The following HIBCH variants were observed in gnomAD, a reference collection of about 807,000 sequenced individuals.
The protein encoded by HIBCH is 3-hydroxyisobutyryl-CoA hydrolase.
In HIBCH, 50 loss-of-function variants were observed where a neutral mutation model predicts 58.2. The ratio of observed to expected loss-of-function variants is 0.86; its 90% CI spans 0.68 to 1.09. The LOEUF is 1.09. Among genes scored for constraint, HIBCH ranks in the 50% least tolerant of loss-of-function variants. The probability of loss-of-function intolerance (pLI) is 0.00; values close to 1 mark genes in which losing one functional copy is unlikely to be tolerated. For missense variants in HIBCH, 450 were observed against 449.7 expected (o/e 1.00, Z -0.01); for synonymous variants, 151 against 146.9 (o/e 1.03, Z -0.20).
rs1559068451 is a variant in HIBCH, at chr2:190,314,338, C to CGT, written c.36-3543_36-3542insAC. Among the ~76,000 whole-genome samples the CGT allele has an allele frequency of 1.4e-3, 188 of 130,754 alleles. 6 individuals carry two copies. The highest frequency in any genetic ancestry group is 5.1e-3 in the African/African-American group (166 of 32,468). The allele number at this position is 130,754 out of a possible 152,430, so 85.8% of individuals were successfully genotyped here. A position where few individuals can be genotyped will look rare whatever the true frequency, so the allele number is the denominator to read the frequency against. ...ATATATATGTATATATGTATATATA[C>CGT]ATATATATGTGTATATATACGTATA... On this transcript the variant is annotated intron_variant, in intron 1 of 13. Transcript: ENST00000359678.
At chr2:190,314,359 G>GTA (rs368528695) in intron 1 of HIBCH, among the ~76,000 whole-genome samples, 3 of 133,910 alleles carry the variant, frequency 2.2e-5, no homozygotes, top group South Asian at 2.2e-4. Flanking sequence ...GTATATATAC[G>GTA]TATATATATA....
At chr2:190,270,933 G>A (rs1687379442) in intron 6 of HIBCH, among the ~76,000 whole-genome samples, 1 of 151,424 alleles carries the variant, frequency 6.6e-6, no homozygotes, top group South Asian at 2.1e-4. Flanking sequence ...CCTGCTATTG[G>A]GTATGTATAA....
At chr2:190,208,618 T>A (rs1342428137) in intron 13 of HIBCH, 1 of 534,020 alleles carries the variant, frequency 1.9e-6, no homozygotes, top group East Asian at 3.3e-5. Flanking sequence ...CAACTATAGG[T>A]TGAGTATTCT....
At position 190,310,783 on chromosome 2, in the gene HIBCH, T is replaced by C. The variant is rs1688536367; in HGVS notation, c.49A>G (p.Lys17Glu). 6.2e-7 allele frequency: 1 copy of C among 1,609,296 alleles called. No individual in the cohort carries two copies. The highest frequency in any genetic ancestry group is 1.1e-5 in the South Asian group (1 of 90,980). The stretch of plus-strand genomic sequence containing the variant: ...TGGTGCAGTATGGTATTAGTCCTTT[T>C]GAATGCATTAAACCTGAAACAAATG... The part of the protein sequence containing the change: ...WRLMSRFNAF[K>E]RTNTILHHLR... The change falls in exon 2 of 14, where the codon AAA becomes GAA. Residue 17 changes from lysine (K) to glutamate (E), a missense_variant. Lys to Glu is a moderately conservative substitution (Grantham distance 56). Coordinates refer to ENST00000359678, the MANE Select transcript of HIBCH (RefSeq NM_014362.4).
chr2:190,308,764 T>G (rs1688479206), intron 2 of HIBCH, among the ~76,000 whole-genome samples: 1 of 152,200 alleles, frequency 6.6e-6, no homozygotes, highest in Non-Finnish European at 1.5e-5. Context: ...GAAAATGGAC[T>G]AACACAGTTA....
At chr2:190,274,822 T>C (rs1036890891) in intron 6 of HIBCH, among the ~76,000 whole-genome samples, 7 of 152,238 alleles carry the variant, frequency 4.6e-5, no homozygotes, top group African/African-American at 1.7e-4. Flanking sequence ...AGATTTATGT[T>C]GTTATCTCTG....
At chr2:190,310,913 G>T in intron 1 of HIBCH, 117 bp from the exon 2 acceptor site, 1 of 757,426 alleles carries the variant, frequency 1.3e-6, no homozygotes, top group South Asian at 1.5e-5. Context: ...AGAACAAAAA[G>T]TTTTAAAAGG....
intron 6 of HIBCH, among the ~76,000 whole-genome samples, chr2:190,265,846 G>A (rs150330068): frequency 0.016 from 2,383 of 152,156 alleles, 38 homozygotes; most frequent in Middle Eastern, 0.024. Flanking sequence ...GTTTTATAGG[G>A]ATGTGCTATT....
chr2:190,277,142 T>C (rs923237548), intron 6 of HIBCH, among the ~76,000 whole-genome samples: 2 of 152,212 alleles, frequency 1.3e-5, no homozygotes, highest in Non-Finnish European at 2.9e-5. Flanking sequence ...TTTAAATATC[T>C]ATTCATAAAA....
intron 7 of HIBCH, among the ~76,000 whole-genome samples, chr2:190,260,874 G>A (rs1470466834): frequency 6.6e-6 from 1 of 151,966 alleles, no homozygotes; most frequent in African/African-American, 2.4e-5. Context: ...CAGATCTAAA[G>A]GCAAAAATAT....
chr2:190,307,085 T>A (rs1025326657), intron 2 of HIBCH, among the ~76,000 whole-genome samples: 1 of 152,162 alleles, frequency 6.6e-6, no homozygotes, highest in African/African-American at 2.4e-5. Flanking sequence ...TAAAACACTA[T>A]CATCTACTAT....
At chr2:190,258,262 C>G (rs1686984660) in intron 7 of HIBCH, among the ~76,000 whole-genome samples, 1 of 152,190 alleles carries the variant, frequency 6.6e-6, no homozygotes, top group Admixed American at 6.5e-5. Flanking sequence ...CTGGAGACCT[C>G]CCCAATCATG....
intron 11 of HIBCH, among the ~76,000 whole-genome samples, chr2:190,238,523 A>T (rs758902204): frequency 2.6e-5 from 4 of 152,106 alleles, no homozygotes; most frequent in Non-Finnish European, 4.4e-5. Flanking sequence ...GGAGGGCAGT[A>T]GGGTGATCTT....
chr2:190,319,369 C>G (rs4146044), intron 1 of HIBCH, among the ~76,000 whole-genome samples: 34,535 of 152,178 alleles, frequency 0.23, 4,180 homozygotes, highest in East Asian at 0.41. Context: ...CAAAACATGC[C>G]GCACAGTTCC....
chr2:190,306,626 ATAAAAAATTC>A lies in HIBCH; in HGVS notation c.78+4118_78+4127del, dbSNP rs1329604801. Among the ~76,000 whole-genome samples the A allele has an allele frequency of 4.6e-5, 7 of 152,186 alleles. No individual in the cohort carries two copies. Among genetic ancestry groups the A allele is most frequent in the African/African-American group, 1.7e-4 (7 of 41,434 alleles). On this transcript the variant is annotated intron_variant, in intron 2 of 13. Coordinates refer to ENST00000359678, the MANE Select transcript of HIBCH (RefSeq NM_014362.4). The surrounding 1 kb of genome is among the most constrained non-coding windows in gnomAD (Gnocchi z 4.6). ...CTCAGTGTTGCTCGCTGTGCCACTC[ATAAAAAATTC>A]TATTTTTTCTAATCCAAGAGTGTCA...
At chr2:190,212,245 A>G (rs1690530331) in intron 12 of HIBCH, among the ~76,000 whole-genome samples, 1 of 152,200 alleles carries the variant, frequency 6.6e-6, no homozygotes, top group Non-Finnish European at 1.5e-5. Context: ...AGTTATTTCT[A>G]ACTAGATGAA....
chr2:190,266,358 GTTCGAATAT>G (rs1218434464), intron 6 of HIBCH, among the ~76,000 whole-genome samples: 8 of 152,190 alleles, frequency 5.3e-5, no homozygotes, highest in Non-Finnish European at 1.2e-4. Flanking sequence ...AAAGAAATAT[GTTCGAATAT>G]TTCTTATGAT....
At chr2:190,288,810 T>G (rs1305474110) in intron 5 of HIBCH, among the ~76,000 whole-genome samples, 2 of 152,208 alleles carry the variant, frequency 1.3e-5, no homozygotes, top group Non-Finnish European at 2.9e-5. Flanking sequence ...GCATTTCTAT[T>G]TTGTCTTTAA....
chr2:190,254,183 A>G lies in HIBCH; in HGVS notation c.518-1876T>C, dbSNP rs144090389. Among the ~76,000 whole-genome samples the G allele has an allele frequency of 1.4e-3, 219 of 152,266 alleles. 1 individual carries two copies. The highest frequency in any genetic ancestry group is 5.1e-3 in the African/African-American group (213 of 41,550). ...ATGTTGAAGCCCTAACCCTCGATGT[A>G]ACTGCATTTGGAAGCAGGGCCTTTG... On this transcript the variant is annotated intron_variant, in intron 7 of 13. Coordinates refer to ENST00000359678, the MANE Select transcript of HIBCH (RefSeq NM_014362.4). This position sits in a 1 kb window ranked among gnomAD's most constrained non-coding sequence, Gnocchi z 5.0.
Sources: allele counts gnomAD v4.1 joint callset (sites outside exome capture counted in the v4.1 genomes callset), GRCh38; gene constraint gnomAD v4.1.1; non-coding constraint Gnocchi (gnomAD v3.1); transcripts MANE v1.5; gene names NCBI Gene and HGNC (gene_info 2026-07-23, HGNC 2026-07-21).